The following ILDR1 variants were observed in gnomAD, a reference collection of about 807,000 sequenced individuals.
ILDR1 encodes the protein immunoglobulin-like domain-containing receptor 1.
In ILDR1, 56 loss-of-function variants were observed where a neutral mutation model predicts 62.4. The observed-to-expected ratio is 0.90, with a 90% CI of 0.72 to 1.12. ILDR1 has a LOEUF of 1.12. Among genes scored for constraint, ILDR1 ranks in the 50% most tolerant of loss-of-function variants. The pLI is 0.00. For synonymous variants in ILDR1, 284 were observed against 277.8 expected (o/e 1.02, Z -0.22); for missense variants, 736 against 710.6 (o/e 1.04, Z -0.41).
chr3:122,044,401 G>A, the ILDR1 span, among the ~76,000 whole-genome samples: 47 of 142,246 alleles, frequency 3.3e-4, no homozygotes, highest in East Asian at 4.4e-3. Context: ...GTCTCTGCCC[G>A]GCTTTGGTAT....
At chr3:122,000,222 G>A (rs1286465219) in intron 5 of ILDR1, among the ~76,000 whole-genome samples, 3 of 150,650 alleles carry the variant, frequency 2.0e-5, no homozygotes, top group South Asian at 2.1e-4. Flanking sequence ...GTCAGAAAAC[G>A]GAGATGGCAG....
the ILDR1 span, among the ~76,000 whole-genome samples, chr3:122,028,845 T>G: frequency 6.6e-6 from 1 of 152,234 alleles, no homozygotes; most frequent in Non-Finnish European, 1.5e-5. Context: ...GACAATATCT[T>G]GTAGAATTAA....
At chr3:122,048,597 T>A in the ILDR1 span, among the ~76,000 whole-genome samples, 1 of 152,236 alleles carries the variant, frequency 6.6e-6, no homozygotes, top group Non-Finnish European at 1.5e-5. Context: ...TGATTCAATC[T>A]GATTACTAGT....
the ILDR1 span, among the ~76,000 whole-genome samples, chr3:122,030,292 G>C: frequency 2.0e-5 from 3 of 152,050 alleles, no homozygotes; most frequent in Non-Finnish European, 4.4e-5. Flanking sequence ...CAAAGGTAGA[G>C]TGTCTGAAGT....
At chr3:122,001,667 G>GGT in intron 4 of ILDR1, 78 bp downstream of exon 4, 3 of 1,413,950 alleles carry the variant, frequency 2.1e-6, no homozygotes, top group Non-Finnish European at 2.9e-6. Flanking sequence ...CTTATTTCTG[G>GGT]TTTTTTTTTT....
chr3:121,995,383 G>T (rs1004241881), intron 5 of ILDR1, among the ~76,000 whole-genome samples: 3 of 152,206 alleles, frequency 2.0e-5, no homozygotes, highest in Non-Finnish European at 4.4e-5. Flanking sequence ...GCCACGTACA[G>T]TAGAAGGGGG....
the ILDR1 span, among the ~76,000 whole-genome samples, chr3:122,032,101 T>C: frequency 3.9e-5 from 6 of 152,248 alleles, no homozygotes; most frequent in African/African-American, 1.4e-4. Context: ...CTCCCTCTTG[T>C]AACTCTCTTG....
the ILDR1 span, among the ~76,000 whole-genome samples, chr3:122,041,162 T>C: frequency 1.3e-5 from 2 of 152,238 alleles, no homozygotes; most frequent in Non-Finnish European, 1.5e-5. Flanking sequence ...GCTTTGAATG[T>C]ATCCCCCCAA....
chr3:122,036,177 C>T, the ILDR1 span, among the ~76,000 whole-genome samples: 6 of 152,144 alleles, frequency 3.9e-5, no homozygotes, highest in Admixed American at 6.5e-5. Flanking sequence ...TGATTTAGGG[C>T]ATCTGGTGGA....
chr3:122,006,158 G>T (rs1469080950), intron 2 of ILDR1, among the ~76,000 whole-genome samples: 2 of 152,166 alleles, frequency 1.3e-5, no homozygotes, highest in Non-Finnish European at 2.9e-5. Flanking sequence ...AAATCATATT[G>T]TGAGACATTA....
Position 122,015,899 on chromosome 3 carries a change from T to C in ILDR1, c.58+6121A>G, listed in dbSNP as rs986698116. Among the ~76,000 whole-genome samples, 6 of 152,204 alleles carry C rather than the reference T, an allele frequency of 3.9e-5. 1 individual carries two copies. Among genetic ancestry groups the C allele is most frequent in the Admixed American group, 1.3e-4 (2 of 15,284 alleles). ...TATCACCTGTGCTTACCTAGTACTG[T>C]ACTCATGCATGCTCTGGTTCCCCCT... On this transcript the variant is annotated intron_variant, in intron 1 of 7. Transcript: ENST00000344209.
chr3:122,030,448 T>C, the ILDR1 span, among the ~76,000 whole-genome samples: 2 of 152,092 alleles, frequency 1.3e-5, no homozygotes, highest in South Asian at 4.2e-4. Flanking sequence ...TGTCCCCACA[T>C]TCCCCCATCT....
upstream of ILDR1, chr3:122,022,288 C>T (rs1016233421): frequency 8.9e-6 from 4 of 451,716 alleles, no homozygotes; most frequent in African/African-American, 8.3e-5. Flanking sequence ...GCTCCGCCTC[C>T]CGCCCCGCGC....
chr3:122,047,700 C>T, the ILDR1 span, among the ~76,000 whole-genome samples: 1 of 152,226 alleles, frequency 6.6e-6, no homozygotes, highest in Non-Finnish European at 1.5e-5. Context: ...TCACCCCTTT[C>T]TTTGACTCAG....
intron 7 of ILDR1, among the ~76,000 whole-genome samples, chr3:121,990,994 G>A (rs773685028): frequency 2.0e-4 from 30 of 152,204 alleles, no homozygotes; most frequent in Non-Finnish European, 4.0e-4. Flanking sequence ...GAGGTCAAGA[G>A]ATCGAGACCA....
chr3:122,055,574 A>T, the ILDR1 span: 3 of 1,415,990 alleles, frequency 2.1e-6, no homozygotes, highest in Non-Finnish European at 3.0e-6. Context: ...GAGGTTGAAG[A>T]TGGTGCTTTG....
chr3:122,021,933 C>A, intron 1 of ILDR1, 87 bp downstream of exon 1: 1 of 1,349,710 alleles, frequency 7.4e-7, no homozygotes, highest in Non-Finnish European at 1.0e-6. Context: ...CTCCACTGCC[C>A]TGCCCGCGGC....
At chr3:122,040,357 G>C in the ILDR1 span, among the ~76,000 whole-genome samples, 2 of 151,836 alleles carry the variant, frequency 1.3e-5, no homozygotes, top group Non-Finnish European at 2.9e-5. Flanking sequence ...CAGATTCAAA[G>C]GGGTTGGAAG....
At chr3:122,031,102 C>T in the ILDR1 span, among the ~76,000 whole-genome samples, 4 of 152,182 alleles carry the variant, frequency 2.6e-5, no homozygotes, top group Non-Finnish European at 4.4e-5. Context: ...CCCCTTTCTT[C>T]CTTCTCCACC....
Sources: gnomAD v4.1 joint callset for allele counts (sites outside exome capture counted in the v4.1 genomes callset) on GRCh38, gnomAD v4.1.1 for gene constraint, MANE v1.5 for transcripts, NCBI Gene and HGNC (gene_info 2026-07-23, HGNC 2026-07-21) for gene names.